Variants in CSMD3 observed in about 807,000 individuals in gnomAD.
CSMD3 encodes the protein CUB and sushi domain-containing protein 3.
Under a neutral mutation model 435.2 loss-of-function variants are expected in CSMD3, and 177 were observed. That is an observed-to-expected ratio of 0.41 (90% CI 0.36 to 0.46). The LOEUF is 0.46. CSMD3 is among the 20% of genes least tolerant of loss of function. The pLI is 0.34. For synonymous variants in CSMD3, 1,656 were observed against 1,520.5 expected, an observed-to-expected ratio of 1.09 and a Z score of -2.07; for missense variants, 4,265 against 4,504.6, an observed-to-expected ratio of 0.95 and a Z score of 1.52.
chr8:112,564,853 ATCT>A lies in CSMD3; in HGVS notation c.4043-7902_4043-7900del, dbSNP rs374535169. On this transcript the variant is annotated intron_variant, in intron 24 of 70. Coordinates refer to ENST00000297405, the MANE Select transcript of CSMD3 (RefSeq NM_198123.2). ...TTTGCTTGTGTATCTTATTTCAGAA[ATCT>A]TCTTCTACCTTAAAGACACAGCTTT... 1.4e-3 allele frequency among the ~76,000 whole-genome samples: 220 copies of A among 152,142 alleles called. 1 individual carries two copies. Among genetic ancestry groups the A allele is most frequent in the African/African-American group, 4.7e-3 (196 of 41,542 alleles).
At chr8:113,073,055 A>G (rs2089193207) in intron 5 of CSMD3, among the ~76,000 whole-genome samples, 1 of 151,742 alleles carries the variant, frequency 6.6e-6, no homozygotes, top group Admixed American at 6.6e-5. Flanking sequence ...ATTACTAAAT[A>G]TATCAAATTC....
At chr8:113,298,604 A>G (rs2093739851) in intron 2 of CSMD3, among the ~76,000 whole-genome samples, 1 of 152,172 alleles carries the variant, frequency 6.6e-6, no homozygotes, top group Admixed American at 6.6e-5. Flanking sequence ...ATATTCTCTT[A>G]TCATCCAAAG....
chr8:113,145,352 T>C (rs977175367), intron 4 of CSMD3, among the ~76,000 whole-genome samples: 2 of 151,618 alleles, frequency 1.3e-5, no homozygotes, highest in Non-Finnish European at 3.0e-5. Context: ...TTATCACAAG[T>C]GTTTTGAGTA....
At chr8:112,715,586 C>A (rs926983725) in intron 13 of CSMD3, among the ~76,000 whole-genome samples, 8 of 152,306 alleles carry the variant, frequency 5.3e-5, no homozygotes, top group Middle Eastern at 3.4e-3. Flanking sequence ...AGGCCAGCAT[C>A]ATCCTGATAC....
At chr8:113,033,401 C>T (rs2087204504) in intron 5 of CSMD3, among the ~76,000 whole-genome samples, 1 of 151,556 alleles carries the variant, frequency 6.6e-6, no homozygotes, top group Non-Finnish European at 1.5e-5. Context: ...GGCATACAGT[C>T]AAAGGAGATG....
At chr8:112,314,140 T>C in intron 48 of CSMD3, 88 bp from the exon 49 acceptor site, 8 of 1,003,480 alleles carry the variant, frequency 8.0e-6, no homozygotes, top group Non-Finnish European at 1.2e-5. Context: ...TAGTATTAAA[T>C]ATGGTTAAAT....
chr8:112,950,537 T>A (rs994285226), intron 8 of CSMD3, among the ~76,000 whole-genome samples: 3 of 152,030 alleles, frequency 2.0e-5, no homozygotes, highest in Non-Finnish European at 4.4e-5. Flanking sequence ...AAATATTTTA[T>A]ATAAATTTAA....
At chr8:112,990,284 C>T (rs971391426) in intron 6 of CSMD3, among the ~76,000 whole-genome samples, 1 of 151,918 alleles carries the variant, frequency 6.6e-6, no homozygotes, top group Non-Finnish European at 1.5e-5. Flanking sequence ...CATATTGGAC[C>T]TTCTATGATA....
chr8:112,610,393 T>TGG, intron 22 of CSMD3, among the ~76,000 whole-genome samples: 1 of 151,842 alleles, frequency 6.6e-6, no homozygotes, highest in African/African-American at 2.4e-5. Flanking sequence ...AATGTATTGA[T>TGG]CTCTTTGGCT....
chr8:113,322,037 A>G (rs952728066), intron 1 of CSMD3, among the ~76,000 whole-genome samples: 1 of 152,180 alleles, frequency 6.6e-6, no homozygotes, highest in East Asian at 1.9e-4. Context: ...TGTGCACCAA[A>G]TTAATGTACA....
At chr8:112,242,325 T>C (rs1198439573) in intron 65 of CSMD3, among the ~76,000 whole-genome samples, 1 of 152,072 alleles carries the variant, frequency 6.6e-6, no homozygotes, top group Non-Finnish European at 1.5e-5. Context: ...ACTGGAATAT[T>C]ATAGGAGCTA....
chr8:112,721,053 G>A (rs1444331995), intron 13 of CSMD3, among the ~76,000 whole-genome samples: 1 of 152,122 alleles, frequency 6.6e-6, no homozygotes, highest in Non-Finnish European at 1.5e-5. Context: ...CAAGAAGTTA[G>A]TGTCCATATA....
chr8:113,119,276 T>C (rs982533813), intron 4 of CSMD3, among the ~76,000 whole-genome samples: 1 of 152,216 alleles, frequency 6.6e-6, no homozygotes, highest in African/African-American at 2.4e-5. Flanking sequence ...AAAGGCACTA[T>C]TCTGAGCCTT....
At chr8:112,789,416 AC>A (rs2078631596) in intron 13 of CSMD3, among the ~76,000 whole-genome samples, 2 of 152,212 alleles carry the variant, frequency 1.3e-5, no homozygotes, top group African/African-American at 4.8e-5. Flanking sequence ...AACTGTCCTT[AC>A]AGCAAACACT....
chr8:112,729,884 T>A (rs1288820794), intron 13 of CSMD3, among the ~76,000 whole-genome samples: 1 of 152,110 alleles, frequency 6.6e-6, no homozygotes, highest in East Asian at 1.9e-4. Flanking sequence ...GATTTCAAAC[T>A]TTTTGCCTCC....
chr8:113,088,437 A>G (rs1358173140), intron 5 of CSMD3, among the ~76,000 whole-genome samples: 3 of 147,260 alleles, frequency 2.0e-5, no homozygotes, highest in Admixed American at 6.8e-5. Context: ...ACTATTCACA[A>G]TAGCAAAGAC....
At chr8:113,319,344 A>G (rs866112100) in intron 1 of CSMD3, among the ~76,000 whole-genome samples, 8 of 151,900 alleles carry the variant, frequency 5.3e-5, no homozygotes, top group South Asian at 2.1e-4. Flanking sequence ...CCTTTTTGCC[A>G]TTTTATAGCT....
chr8:113,328,234 C>T (rs1280144653), intron 1 of CSMD3, among the ~76,000 whole-genome samples: 1 of 151,360 alleles, frequency 6.6e-6, no homozygotes, highest in East Asian at 1.9e-4. Flanking sequence ...GTCAGGAGAT[C>T]GAGACCATCC....
intron 31 of CSMD3, among the ~76,000 whole-genome samples, chr8:112,491,127 T>C (rs1820643144): frequency 6.6e-6 from 1 of 152,136 alleles, no homozygotes. Flanking sequence ...AAGTCAGAAA[T>C]TGGGCACATG....
Sources: gnomAD v4.1 joint callset for allele counts (sites outside exome capture counted in the v4.1 genomes callset) on GRCh38, gnomAD v4.1.1 for gene constraint, MANE v1.5 for transcripts, NCBI Gene and HGNC (gene_info 2026-07-23, HGNC 2026-07-21) for gene names.